The following COP1 variants were observed in gnomAD, a reference collection of about 807,000 sequenced individuals.
COP1 encodes the protein COP1 E3 ubiquitin ligase, also known as E3 ubiquitin-protein ligase COP1.
Under a neutral mutation model 101.3 loss-of-function variants are expected in COP1, and 24 were observed. That is an observed-to-expected ratio of 0.24 (90% CI 0.17 to 0.33). COP1 has a LOEUF of 0.33. COP1 is among the 10% of genes least tolerant of loss of function. The pLI is 1.00. For missense variants in COP1, 663 were observed against 906.2 expected (o/e 0.73, Z 3.45); for synonymous variants, 347 against 341.9 (o/e 1.01, Z -0.17).
intron 15 of COP1, among the ~76,000 whole-genome samples, chr1:176,005,363 C>G (rs956132888): frequency 1.3e-5 from 2 of 152,080 alleles, no homozygotes; most frequent in Non-Finnish European, 2.9e-5. Context: ...CAGTTCTGCT[C>G]TGATTTTAGT....
At chr1:176,153,272 G>A (rs530978064) in intron 5 of COP1, among the ~76,000 whole-genome samples, 56 of 152,074 alleles carry the variant, frequency 3.7e-4, no homozygotes, top group Admixed American at 9.8e-4. Context: ...ACATGTCCCT[G>A]GGGTATAAAA....
intron 18 of COP1, among the ~76,000 whole-genome samples, chr1:175,955,766 C>CCACACACACACACACAAACACACACACA (rs1553275346): frequency 7.7e-6 from 1 of 129,192 alleles, no homozygotes; most frequent in South Asian, 2.7e-4. Context: ...TAGAGACAAA[C>CCACACACACACACACAAACACACACACA]CACACACACA....
At chr1:176,106,530 T>G (rs1253951454) in intron 9 of COP1, among the ~76,000 whole-genome samples, 2 of 152,238 alleles carry the variant, frequency 1.3e-5, no homozygotes, top group Non-Finnish European at 2.9e-5. Context: ...TTGAGATATT[T>G]TGCAGACCCT....
chr1:176,133,924 A>T, intron 8 of COP1: 1 of 392,664 alleles, frequency 2.5e-6, no homozygotes, highest in Non-Finnish European at 5.2e-6. Flanking sequence ...ATATACACAG[A>T]CCAAGTCATT....
At chr1:176,054,187 C>T (rs1321432893) in intron 11 of COP1, among the ~76,000 whole-genome samples, 3 of 149,218 alleles carry the variant, frequency 2.0e-5, no homozygotes, top group Admixed American at 6.7e-5. Context: ...TGAGATGGTG[C>T]CTCACTCTGT....
chr1:176,153,166 C>A (rs1692886718), intron 5 of COP1, among the ~76,000 whole-genome samples: 1 of 152,070 alleles, frequency 6.6e-6, no homozygotes, highest in Admixed American at 6.6e-5. Flanking sequence ...ATCAAATTTT[C>A]TATTCTCACT....
chr1:176,001,487 T>G (rs1661585194), intron 15 of COP1, among the ~76,000 whole-genome samples: 1 of 152,114 alleles, frequency 6.6e-6, no homozygotes, highest in East Asian at 1.9e-4. Flanking sequence ...TTTCCAAAGT[T>G]GATATACTAC....
intron 15 of COP1, among the ~76,000 whole-genome samples, chr1:176,002,344 G>C (rs147101081): frequency 2.0e-5 from 3 of 151,464 alleles, no homozygotes; most frequent in African/African-American, 7.3e-5. Flanking sequence ...TTCTTTTTTA[G>C]TTTTTATTTA....
intron 6 of COP1, among the ~76,000 whole-genome samples, chr1:176,143,818 A>G (rs1691132945): frequency 6.6e-6 from 1 of 152,180 alleles, no homozygotes; most frequent in Admixed American, 6.5e-5. Context: ...ATGCTAAACC[A>G]AAGTAATTAT....
chr1:176,038,126 A>G (rs552345743), intron 14 of COP1, among the ~76,000 whole-genome samples: 1 of 152,350 alleles, frequency 6.6e-6, no homozygotes, highest in East Asian at 1.9e-4. Context: ...TATCAACTGT[A>G]TTTCTATAAA....
At chr1:176,191,119 A>G (rs1047841906) in intron 1 of COP1, among the ~76,000 whole-genome samples, 2 of 152,076 alleles carry the variant, frequency 1.3e-5, no homozygotes, top group Non-Finnish European at 2.9e-5. Context: ...CATGCATTAT[A>G]TACTCTAAAC....
intron 15 of COP1, among the ~76,000 whole-genome samples, chr1:176,011,482 A>G (rs1232245424): frequency 3.3e-5 from 5 of 152,198 alleles, no homozygotes; most frequent in African/African-American, 7.2e-5. Flanking sequence ...TTCACTAATT[A>G]TGTGAGTTAA....
chr1:175,995,006 C>T lies in COP1; in HGVS notation c.1730-5527G>A, dbSNP rs560372710. Among the ~76,000 whole-genome samples the T allele has an allele frequency of 3.3e-3, 497 of 152,228 alleles. 1 individual carries two copies. Among genetic ancestry groups the T allele is most frequent in the South Asian group, 0.026 (127 of 4,816 alleles). On this transcript the variant is annotated intron_variant, in intron 15 of 19. Transcript: ENST00000367669. ...CCACATAGTTGGAAGTAAAGCTCTCCTCAGCAAATGCAAAAGATCAGAAAT... is the reference window on the plus strand; with the variant it reads ...CCACATAGTTGGAAGTAAAGCTCTCTTCAGCAAATGCAAAAGATCAGAAAT...
chr1:175,951,462 A>ATATATATATATATATATATATATATATAT (rs1491471530), intron 18 of COP1, among the ~76,000 whole-genome samples: 16 of 49,568 alleles, frequency 3.2e-4, no homozygotes, highest in South Asian at 5.9e-4. Context: ...ATATATATAT[A>ATATATATATATATATATATATATATATAT]AAAACTTCCA....
chr1:176,191,799 T>C (rs1699141584), intron 1 of COP1, among the ~76,000 whole-genome samples: 3 of 152,088 alleles, frequency 2.0e-5, no homozygotes. Flanking sequence ...TGGTATTTTG[T>C]GAAGTGATTC....
At chr1:176,099,503 TTGTCTCTCTCTCTCTC>T (rs1682994272) in intron 9 of COP1, among the ~76,000 whole-genome samples, 1 of 94,666 alleles carries the variant, frequency 1.1e-5, no homozygotes, top group Admixed American at 1.4e-4. Flanking sequence ...TGGAGCATAT[TTGTCTCTCTCTCTCTC>T]TCTCTCTCTC....
At chr1:176,165,786 G>A (rs1695043742) in intron 3 of COP1, among the ~76,000 whole-genome samples, 1 of 152,176 alleles carries the variant, frequency 6.6e-6, no homozygotes, top group Admixed American at 6.5e-5. Context: ...TAAGAACTAA[G>A]CCTGGAAATG....
At chr1:176,199,041 G>T (rs1444913319) in intron 1 of COP1, among the ~76,000 whole-genome samples, 3 of 152,148 alleles carry the variant, frequency 2.0e-5, no homozygotes, top group Non-Finnish European at 4.4e-5. Context: ...ATGGTGGCCG[G>T]GTGTGGTGGC....
intron 14 of COP1, among the ~76,000 whole-genome samples, chr1:176,038,046 G>A (rs1571848531): frequency 6.6e-6 from 1 of 152,146 alleles, no homozygotes; most frequent in African/African-American, 2.4e-5. Context: ...AAATCCCAAG[G>A]AATCTGAAAA....
Sources: allele counts gnomAD v4.1 joint callset (sites outside exome capture counted in the v4.1 genomes callset), GRCh38; gene constraint gnomAD v4.1.1; transcripts MANE v1.5; gene names NCBI Gene and HGNC (gene_info 2026-07-23, HGNC 2026-07-21).